Variants in RCOR3 observed in about 807,000 individuals in gnomAD.
The protein encoded by RCOR3 is REST corepressor 3.
A neutral mutation model predicts 64.1 loss-of-function variants in RCOR3; 13 were observed. The observed-to-expected ratio is 0.20, with a 90% CI of 0.13 to 0.32. The LOEUF is 0.32. Among genes scored for constraint, RCOR3 ranks in the 10% least tolerant of loss-of-function variants. RCOR3 has a pLI of 1.00. For missense variants in RCOR3, 489 were observed against 701.2 expected, an observed-to-expected ratio of 0.70 and a Z score of 3.42; for synonymous variants, 215 against 239.0, an observed-to-expected ratio of 0.90 and a Z score of 0.93.
Position 211,312,537 on chromosome 1 carries a change from G to A in RCOR3, c.1076-183G>A, listed in dbSNP as rs2102683313. 1.5e-6 allele frequency: 1 copy of A among 649,844 alleles called. No individual in the cohort carries two copies. The allele number at this position is 649,844 out of a possible 1,614,324, so 40.3% of individuals were successfully genotyped here. Reference sequence around the variant, plus strand: ...AGGCAAGTGGCTGGCTCGATGAAATGACATAACTGATAGTTTTCATCTGTG... The same window carrying A: ...AGGCAAGTGGCTGGCTCGATGAAATAACATAACTGATAGTTTTCATCTGTG... On this transcript the variant is annotated intron_variant, in intron 10 of 11. Coordinates refer to ENST00000419091, the MANE Select transcript of RCOR3 (RefSeq NM_001136223.3). This position sits in a 1 kb window ranked among gnomAD's most constrained non-coding sequence, Gnocchi z 5.0.
rs544316477 is a variant in RCOR3, at chr1:211,295,192, GT to G, written c.940-482del. Reference sequence around the variant, plus strand: ...CAGTGACTTTTAATGTATTTATCATGTTATAGCAGAACTGATTGTACTTACC... The same window carrying G: ...CAGTGACTTTTAATGTATTTATCATGTATAGCAGAACTGATTGTACTTACC... On this transcript the variant is annotated intron_variant, in intron 8 of 11. Transcript: ENST00000419091. Among the ~76,000 whole-genome samples, 279 of 151,946 alleles carry G rather than the reference GT, an allele frequency of 1.8e-3. 1 individual carries two copies. Among genetic ancestry groups the G allele is most frequent in the African/African-American group, 6.5e-3 (271 of 41,434 alleles).
At chr1:211,283,812 A>ATT (rs71134672) in intron 7 of RCOR3, among the ~76,000 whole-genome samples, 95 of 134,156 alleles carry the variant, frequency 7.1e-4, no homozygotes, top group East Asian at 1.6e-3. Context: ...CCTGGCTTGT[A>ATT]TTTTTTTTTT....
chr1:211,290,748 C>T (rs1056553885), intron 8 of RCOR3, among the ~76,000 whole-genome samples: 1 of 152,102 alleles, frequency 6.6e-6, no homozygotes, highest in African/African-American at 2.4e-5. Context: ...CTTTTTAAAG[C>T]ACTGGTCTGA....
chr1:211,306,714 A>G (rs924090585), intron 10 of RCOR3, among the ~76,000 whole-genome samples: 2 of 152,130 alleles, frequency 1.3e-5, no homozygotes, highest in African/African-American at 4.8e-5. Flanking sequence ...TTCCTGTTCC[A>G]TCTACTCATA....
chr1:211,271,695 G>A (rs1250842319), intron 3 of RCOR3: 2 of 344,420 alleles, frequency 5.8e-6, no homozygotes, highest in African/African-American at 2.1e-5. Flanking sequence ...CCATTTTAAA[G>A]AGGAAAGGGG....
chr1:211,279,697 A>C (rs1697501471), intron 7 of RCOR3, among the ~76,000 whole-genome samples: 1 of 152,138 alleles, frequency 6.6e-6, no homozygotes, highest in African/African-American at 2.4e-5. Context: ...TTTTCTTTCT[A>C]CTGCTAAATA....
chr1:211,306,536 A>G (rs995411483), intron 10 of RCOR3, among the ~76,000 whole-genome samples: 1 of 152,294 alleles, frequency 6.6e-6, no homozygotes, highest in Non-Finnish European at 1.5e-5. Flanking sequence ...TCTGGCTCAT[A>G]GTAGAAGACT....
intron 10 of RCOR3, among the ~76,000 whole-genome samples, chr1:211,309,710 T>C (rs17267526): frequency 0.012 from 1,840 of 152,310 alleles, 13 homozygotes; most frequent in Middle Eastern, 0.071. Context: ...GAGAAAGTAA[T>C]CAGATTTTAT....
intron 7 of RCOR3, 35 bp from the exon 8 acceptor site, chr1:211,289,142 AC>A: frequency 6.6e-7 from 1 of 1,524,094 alleles, no homozygotes; most frequent in Non-Finnish European, 9.1e-7. Flanking sequence ...ATTTGTGAAA[AC>A]CAAGTGACCT....
Position 211,289,464 on chromosome 1 carries a change from A to G in RCOR3, c.939+68A>G, listed in dbSNP as rs1571920067. On this transcript the variant is annotated intron_variant, in intron 8 of 11. Coordinates refer to ENST00000419091, the MANE Select transcript of RCOR3 (RefSeq NM_001136223.3). Reference sequence around the variant, plus strand: ...GGCTATCCGCTTTTACCTTTTACCTAGGTTGAGCTCAGTTGTTTGCAGATT... The same window carrying G: ...GGCTATCCGCTTTTACCTTTTACCTGGGTTGAGCTCAGTTGTTTGCAGATT... The G allele has an allele frequency of 5.5e-6, 7 of 1,271,884 alleles. No individual in the cohort carries two copies. In the South Asian group the frequency reaches 9.4e-5, roughly 17 times the overall value. The allele number at this position is 1,271,884 out of a possible 1,614,324, so 78.8% of individuals were successfully genotyped here.
intron 4 of RCOR3, among the ~76,000 whole-genome samples, chr1:211,275,095 G>T (rs1696783442): frequency 6.6e-6 from 1 of 151,300 alleles, no homozygotes; most frequent in African/African-American, 2.4e-5. Flanking sequence ...TAGTAATGAG[G>T]GAATGGAAAT....
intron 2 of RCOR3, among the ~76,000 whole-genome samples, chr1:211,268,810 G>C (rs1478898028): frequency 6.6e-6 from 1 of 151,988 alleles, no homozygotes. Flanking sequence ...GAATACTTTG[G>C]TAGTGTTTCT....
chr1:211,267,308 A>G (rs891928269), intron 2 of RCOR3, among the ~76,000 whole-genome samples: 1 of 152,220 alleles, frequency 6.6e-6, no homozygotes, highest in Non-Finnish European at 1.5e-5. Context: ...CGTAGTTCAT[A>G]TTCTTAACCA....
chr1:211,276,299 T>G lies in RCOR3; in HGVS notation c.397T>G (p.Ser133Ala), dbSNP rs746651566. 1 of 1,613,938 alleles carries G rather than the reference T, an allele frequency of 6.2e-7. No individual in the cohort carries two copies. The highest frequency in any genetic ancestry group is 1.1e-5 in the South Asian group (1 of 91,070). ...LFWHKHNIEK[S>A]LADLPNFTPF... The stretch of plus-strand genomic sequence containing the variant: ...CTGGCATAAACATAACATTGAGAAG[T>G]CCCTTGCTGATCTCCCTAATTTCAC... The change falls in exon 5 of 12, where the codon TCC becomes GCC. Residue 133 changes from serine (S) to alanine (A), a missense_variant. By Grantham distance (99) the Ser-to-Ala change is moderately conservative. Around this residue, in one of 2 missense-constraint regions of RCOR3, gnomAD observed 402 missense variants for 617.0 expected, o/e 0.65. Transcript: ENST00000419091.
intron 9 of RCOR3, among the ~76,000 whole-genome samples, chr1:211,300,071 CTTTT>C (rs11419492): frequency 8.2e-6 from 1 of 121,300 alleles, no homozygotes; most frequent in Non-Finnish European, 1.7e-5. Flanking sequence ...TTCTTTCTTT[CTTTT>C]TTTTTTTTTT....
intron 8 of RCOR3, among the ~76,000 whole-genome samples, chr1:211,295,044 ATTTTT>A (rs67407386): frequency 1.8e-4 from 8 of 44,370 alleles, no homozygotes; most frequent in Admixed American, 2.5e-4. Flanking sequence ...TGACCAGCTA[ATTTTT>A]TTTTTTTTTT....
intron 8 of RCOR3, among the ~76,000 whole-genome samples, chr1:211,293,182 A>G (rs1699457621): frequency 6.6e-6 from 1 of 151,922 alleles, no homozygotes; most frequent in Admixed American, 6.6e-5. Flanking sequence ...TCCTTCCTTC[A>G]TTCCTACAGT....
In RCOR3 at chr1:211,309,085, A is replaced by AT. The variant is rs1185259290; in HGVS notation, c.1076-3634dup. On this transcript the variant is annotated intron_variant, in intron 10 of 11. Transcript: ENST00000419091. ...TCCATGCTATCCTTTCTAGCTAAACATAAAAAAAAAAAAAAAAAAAAGATT... is the reference window on the plus strand; with the variant it reads ...TCCATGCTATCCTTTCTAGCTAAACATTAAAAAAAAAAAAAAAAAAAAGATT... Among the ~76,000 whole-genome samples, 313 of 78,616 alleles carry AT rather than the reference A, an allele frequency of 4.0e-3. 2 individuals are homozygous for AT. The highest frequency in any genetic ancestry group is 0.014 in the African/African-American group (295 of 20,868). The allele number at this position is 78,616 out of a possible 152,430, so 51.6% of individuals were successfully genotyped here. A position where few individuals can be genotyped will look rare whatever the true frequency, so the allele number is the denominator to read the frequency against.
rs1331010841 is a variant in RCOR3, at chr1:211,259,571, T to A, written c.11T>A (p.Met4Lys). Reference protein sequence around the residue: MPGMMEKGPELLGK... With the variant: MPGKMEKGPELLGK... ...CTCCCCTGTTCTACCATGCCCGGCA[T>A]GATGGAGAAAGGGCCCGAGTTACTG... is the stretch of plus-strand genomic sequence containing the variant. The change falls in exon 1 of 12, where the codon ATG (methionine) becomes AAG (lysine). Residue 4 changes from methionine (M) to lysine (K), a missense_variant. Coordinates refer to ENST00000419091, the MANE Select transcript of RCOR3 (RefSeq NM_001136223.3). 2 of 1,545,998 alleles carry A rather than the reference T, an allele frequency of 1.3e-6. No homozygotes were observed. Among genetic ancestry groups the A allele is most frequent in the East Asian group, 2.5e-5 (1 of 40,408 alleles).
Sources: allele counts gnomAD v4.1 joint callset (sites outside exome capture counted in the v4.1 genomes callset), GRCh38; gene constraint gnomAD v4.1.1; regional missense constraint gnomAD v4.1.1; non-coding constraint Gnocchi (gnomAD v3.1); transcripts MANE v1.5; gene names NCBI Gene and HGNC (gene_info 2026-07-23, HGNC 2026-07-21).